Variants in SNAPC1 observed in about 807,000 individuals in gnomAD.
SNAPC1 encodes small nuclear RNA activating complex polypeptide 1.
Under a neutral mutation model 50.1 loss-of-function variants are expected in SNAPC1, and 42 were observed. The observed-to-expected ratio is 0.84, with a 90% CI of 0.65 to 1.08. The LOEUF (loss-of-function observed/expected upper bound fraction) is 1.08. SNAPC1 is among the 50% of genes least tolerant of loss of function. SNAPC1 has a pLI of 0.00. For missense variants in SNAPC1, 477 were observed against 427.3 expected (o/e 1.12, Z -1.02); for synonymous variants, 164 against 144.2 (o/e 1.14, Z -0.98).
rs986786877 is a variant in SNAPC1, at chr14:61,795,867, T to C, written c.*884T>C. 1 of 151,926 alleles carries C rather than the reference T, an allele frequency of 6.6e-6. No homozygotes were observed. The highest frequency in any genetic ancestry group is 2.4e-5 in the African/African-American group (1 of 41,352). The allele number at this position is 151,926 out of a possible 1,614,324, so 9.4% of individuals were successfully genotyped here. ...GTTGTTGGCTCAACTGTTTTTTTTTTTTCCCTAATAGAGATGGAGTATCGC... is the reference window on the plus strand; with the variant it reads ...GTTGTTGGCTCAACTGTTTTTTTTTCTTCCCTAATAGAGATGGAGTATCGC... On this transcript the variant is annotated 3_prime_UTR_variant, in exon 10 of 10. Coordinates refer to ENST00000216294, the MANE Select transcript of SNAPC1 (RefSeq NM_003082.4).
At position 61,783,017 on chromosome 14, in the gene SNAPC1, ATT is replaced by A. The variant is rs767793462; in HGVS notation, c.976+641_976+642del. On this transcript the variant is annotated intron_variant, in intron 8 of 9. Transcript: ENST00000216294. ...AAATCAGTCTAGAATTTTCCAGTGC[ATT>A]TTTTTTTTTTTTTTTTTTTTGAGAG... is the stretch of plus-strand genomic sequence containing the variant. Among the ~76,000 whole-genome samples, 59 of 115,254 alleles carry A rather than the reference ATT, an allele frequency of 5.1e-4. No individual in the cohort carries two copies. The South Asian group carries it at 5.4e-3, about 11-fold the overall frequency. 75.6% of individuals were successfully genotyped at this position (115,254 alleles called of 152,430 possible).
chr14:61,763,567 G>C (rs1416438535), intron 1 of SNAPC1, among the ~76,000 whole-genome samples: 1 of 115,408 alleles, frequency 8.7e-6, no homozygotes. Context: ...CTCTTGTTTT[G>C]TCCACCTTAT....
chr14:61,778,109 A>C lies in SNAPC1; in HGVS notation c.731A>C (p.Glu244Ala), dbSNP rs2140180124. Residue 244 changes from glutamate to alanine, a missense_variant, in exon 6 of 10, where the codon GAA (glutamate) becomes GCA (alanine). Transcript: ENST00000216294. The stretch of plus-strand genomic sequence containing the variant: ...AAGTCAAAAACTAATGATGGAGAAG[A>C]AAAAATGGAAGGAAATTCACAAGAA... ...SLKSKTNDGE[E>A]KMEGNSQETE... 1 of 1,604,524 alleles carries C rather than the reference A, an allele frequency of 6.2e-7. No homozygotes were observed. Among genetic ancestry groups the C allele is most frequent in the East Asian group, 2.2e-5 (1 of 44,556 alleles).
chr14:61,762,554 C>G lies in SNAPC1; in HGVS notation c.94C>G (p.Leu32Val). 1.3e-6 allele frequency: 2 copies of G among 1,546,596 alleles called. No homozygotes were observed. Among genetic ancestry groups the G allele is most frequent in the Non-Finnish European group, 1.7e-6 (2 of 1,146,918 alleles). ...DSVRFEDFTE[L>V]WRNMKFGTIF... ...TGTACGCTTCGAGGACTTCACGGAG[C>G]TCTGGAGAAACATGAAGTTCGGGAC... The change falls in exon 1 of 10, where the codon CTC (leucine) becomes GTC (valine). Residue 32 changes from leucine (L) to valine (V), a missense_variant. Transcript: ENST00000216294.
intron 1 of SNAPC1, among the ~76,000 whole-genome samples, chr14:61,765,838 C>T (rs1201650626): frequency 1.3e-5 from 2 of 152,222 alleles, no homozygotes; most frequent in Non-Finnish European, 2.9e-5. Flanking sequence ...GTATGCTCTT[C>T]TCCCTTCCTC....
intron 5 of SNAPC1, among the ~76,000 whole-genome samples, chr14:61,777,288 G>A (rs2045041369): frequency 6.6e-6 from 1 of 152,218 alleles, no homozygotes; most frequent in Admixed American, 6.5e-5. Flanking sequence ...ATGAGAGATA[G>A]CAAGTTCTAG....
intron 7 of SNAPC1, 42 bp from the exon 8 acceptor site, chr14:61,782,205 T>A (rs1048038881): frequency 5.7e-6 from 8 of 1,406,042 alleles, no homozygotes; most frequent in Middle Eastern, 1.8e-4. Context: ...TCATTTGGAT[T>A]CATTTTATAA....
intron 2 of SNAPC1, 51 bp downstream of exon 2, chr14:61,767,086 A>G (rs1286144026): frequency 8.2e-7 from 1 of 1,216,036 alleles, no homozygotes; most frequent in Non-Finnish European, 1.1e-6. Context: ...AACAAGTACC[A>G]TATTTTTATA....
intron 8 of SNAPC1, among the ~76,000 whole-genome samples, chr14:61,785,412 A>G (rs2045108023): frequency 6.6e-6 from 1 of 151,252 alleles, no homozygotes; most frequent in African/African-American, 2.4e-5. Flanking sequence ...TTCTGTCTCA[A>G]AAAAAAAAGA....
At chr14:61,782,161 TTTGA>T (rs1490601412) in intron 7 of SNAPC1, 82 bp from the exon 8 acceptor site, 2 of 1,055,844 alleles carry the variant, frequency 1.9e-6, no homozygotes, top group South Asian at 1.7e-5. Context: ...TTTCCTCATC[TTTGA>T]TTGTACATTT....
At chr14:61,782,454 C>T in intron 8 of SNAPC1, 57 bp downstream of exon 8, 2 of 1,372,824 alleles carry the variant, frequency 1.5e-6, no homozygotes, top group Non-Finnish European at 2.0e-6. Context: ...TTATTTACAA[C>T]TTTGCCTCAT....
At chr14:61,767,189 C>G in intron 2 of SNAPC1, 23 bp from the exon 3 acceptor site, 1 of 1,408,192 alleles carries the variant, frequency 7.1e-7, no homozygotes, top group South Asian at 1.9e-5. Context: ...TTTAGTACAA[C>G]TTTTTTTTCT....
chr14:61,763,193 A>G (rs1047758166), intron 1 of SNAPC1, among the ~76,000 whole-genome samples: 2 of 150,340 alleles, frequency 1.3e-5, no homozygotes, highest in African/African-American at 2.5e-5. Flanking sequence ...GGGTTTTACT[A>G]TGTTGGCCAG....
At chr14:61,769,453 A>G (rs2044972589) in intron 4 of SNAPC1, among the ~76,000 whole-genome samples, 1 of 133,890 alleles carries the variant, frequency 7.5e-6, no homozygotes, top group Non-Finnish European at 1.5e-5. Context: ...GCTGGAGTGC[A>G]GTGGTGCAAT....
chr14:61,774,712 G>A (rs1339943369), intron 4 of SNAPC1, among the ~76,000 whole-genome samples: 2 of 133,960 alleles, frequency 1.5e-5, no homozygotes, highest in African/African-American at 5.8e-5. Context: ...TGCGCAGGCT[G>A]GAGTGCAATG....
intron 8 of SNAPC1, among the ~76,000 whole-genome samples, chr14:61,790,261 C>T (rs765172125): frequency 1.3e-5 from 2 of 152,080 alleles, no homozygotes; most frequent in Admixed American, 6.6e-5. Context: ...CACCATTCCT[C>T]GAATATAACA....
intron 9 of SNAPC1, among the ~76,000 whole-genome samples, chr14:61,793,365 C>G (rs1052840018): frequency 1.3e-5 from 2 of 151,912 alleles, no homozygotes; most frequent in African/African-American, 4.8e-5. Flanking sequence ...GCCTCAGCCT[C>G]TTGAGTCACT....
chr14:61,793,681 G>C (rs1290686545), intron 9 of SNAPC1, among the ~76,000 whole-genome samples: 1 of 112,398 alleles, frequency 8.9e-6, no homozygotes, highest in Non-Finnish European at 1.7e-5. Context: ...TTTTGAGACA[G>C]AGTCTTGCTC....
At chr14:61,785,433 A>G (rs148238187) in intron 8 of SNAPC1, among the ~76,000 whole-genome samples, 105 of 152,296 alleles carry the variant, frequency 6.9e-4, no homozygotes, top group African/African-American at 2.5e-3. Flanking sequence ...GAGAGACACA[A>G]GTTTCCAAAA....
Sources: gnomAD v4.1 joint callset for allele counts (sites outside exome capture counted in the v4.1 genomes callset) on GRCh38, gnomAD v4.1.1 for gene constraint, MANE v1.5 for transcripts, NCBI Gene and HGNC (gene_info 2026-07-23, HGNC 2026-07-21) for gene names.